Variants in PPP6R2 observed in about 807,000 individuals in gnomAD.
The protein encoded by PPP6R2 is serine/threonine-protein phosphatase 6 regulatory subunit 2.
Under a neutral mutation model 100.2 loss-of-function variants are expected in PPP6R2, and 62 were observed. The observed-to-expected ratio is 0.62, with a 90% confidence interval of 0.50 to 0.76. PPP6R2 has a LOEUF of 0.76. Ranked by LOEUF, PPP6R2 falls within the 30% of genes least tolerant of loss-of-function variation. The pLI is 0.00. For missense variants in PPP6R2, 1,142 were observed against 1,276.3 expected, an observed-to-expected ratio of 0.89 and a Z score of 1.60; for synonymous variants, 525 against 514.7, an observed-to-expected ratio of 1.02 and a Z score of -0.27.
intron 1 of PPP6R2, among the ~76,000 whole-genome samples, chr22:50,350,383 A>G (rs1173483090): frequency 1.3e-5 from 2 of 150,542 alleles, no homozygotes; most frequent in Admixed American, 1.3e-4. Flanking sequence ...GGCGCCCACC[A>G]CCATGCCTGG....
Position 50,440,975 on chromosome 22 carries a change from G to A in PPP6R2, c.2528G>A (p.Arg843Gln), listed in dbSNP as rs372426551. 36 of 1,611,454 alleles carry A rather than the reference G, an allele frequency of 2.2e-5. No individual in the cohort carries two copies. Among genetic ancestry groups the A allele is most frequent in the Non-Finnish European group, 2.8e-5 (33 of 1,178,862 alleles). The stretch of plus-strand genomic sequence containing the variant: ...GATGCGGTGAGCAGGGGTCCCGGCC[G>A]GGAGGCCCCCCCGCTGCCCACAGTG... ...AMDAVSRGPGREAPPLPTVAR... is the reference protein window; with the variant it reads ...AMDAVSRGPGQEAPPLPTVAR... The change falls in exon 22 of 24, where the codon CGG becomes CAG. Residue 843 changes from arginine to glutamine, a missense_variant. This residue lies in a region of PPP6R2 where 550 missense variants were observed against 517.4 expected (regional missense o/e 1.06). Coordinates refer to ENST00000612753, the MANE Select transcript of PPP6R2 (RefSeq NM_001242898.2).
At chr22:50,355,446 T>TC (rs533311693) in intron 1 of PPP6R2, among the ~76,000 whole-genome samples, 184 of 151,342 alleles carry the variant, frequency 1.2e-3, no homozygotes, top group African/African-American at 4.3e-3. Flanking sequence ...CACTGTGGTC[T>TC]CGATCTCCTA....
At chr22:50,432,621 C>T (rs542888898) in intron 12 of PPP6R2, among the ~76,000 whole-genome samples, 3 of 152,218 alleles carry the variant, frequency 2.0e-5, no homozygotes, top group Non-Finnish European at 4.4e-5. Flanking sequence ...CTTGTGGGTC[C>T]GCTGTCCGTT....
At position 50,381,978 on chromosome 22, in the gene PPP6R2, ACCTT is replaced by A. The variant is rs375003412; in HGVS notation, c.-17+9833_-17+9836del. Among the ~76,000 whole-genome samples the A allele has an allele frequency of 6.4e-4, 97 of 152,212 alleles. No homozygotes were observed. In the East Asian group the frequency reaches 0.014, roughly 22 times the overall value. On this transcript the variant is annotated intron_variant, in intron 2 of 23. Coordinates refer to ENST00000612753, the MANE Select transcript of PPP6R2 (RefSeq NM_001242898.2). Reference sequence around the variant, plus strand: ...CAAATTAGTGAAGAGAAAGTAGTGGACCTTCCTTTATTCTTGTAAGGAAAAGCTG... The same window carrying A: ...CAAATTAGTGAAGAGAAAGTAGTGGACCTTTATTCTTGTAAGGAAAAGCTG...
chr22:50,366,985 CTT>C (rs541397465), intron 1 of PPP6R2, among the ~76,000 whole-genome samples: 1 of 145,668 alleles, frequency 6.9e-6, no homozygotes, highest in Admixed American at 6.9e-5. Context: ...CCTATGTTTT[CTT>C]TTTTTTTTTT....
chr22:50,343,721 A>C (rs1340495058), intron 1 of PPP6R2, among the ~76,000 whole-genome samples, 171 bp downstream of exon 1: 584 of 38,596 alleles, frequency 0.015, 6 homozygotes, highest in Middle Eastern at 0.04. Context: ...TGCCCCCCCC[A>C]AGTCAGTCAG....
chr22:50,396,164 C>G (rs1443384058), intron 3 of PPP6R2, among the ~76,000 whole-genome samples: 1 of 145,576 alleles, frequency 6.9e-6, no homozygotes, highest in Non-Finnish European at 1.5e-5. Context: ...CCATTGCACT[C>G]CAGCCTGGGC....
In PPP6R2 at chr22:50,372,004, T is replaced by C. The variant is rs907449575; in HGVS notation, c.-147-16T>C. 1 of 152,170 alleles carries C rather than the reference T, an allele frequency of 6.6e-6. No individual in the cohort carries two copies. Among genetic ancestry groups the C allele is most frequent in the Non-Finnish European group, 1.5e-5 (1 of 68,030 alleles). 9.4% of individuals were successfully genotyped at this position (152,170 alleles called of 1,614,324 possible). A position where few individuals can be genotyped will look rare whatever the true frequency, so the allele number is the denominator to read the frequency against. On this transcript the variant is annotated splice_polypyrimidine_tract_variant and intron_variant, in intron 1 of 23. Coordinates refer to ENST00000612753, the MANE Select transcript of PPP6R2 (RefSeq NM_001242898.2). ...GAGGAAGAACTTAAAGCAAGATTTT[T>C]CCTCTTATTTTTCAGGTAAAGAGAT...
At chr22:50,354,288 G>C (rs1019163206) in intron 1 of PPP6R2, among the ~76,000 whole-genome samples, 2 of 152,086 alleles carry the variant, frequency 1.3e-5, no homozygotes, top group African/African-American at 2.4e-5. Context: ...CTGGGCGACG[G>C]AGCGAGACTT....
At chr22:50,335,354 C>T in the PPP6R2 span, among the ~76,000 whole-genome samples, 5 of 151,636 alleles carry the variant, frequency 3.3e-5, no homozygotes, top group Admixed American at 2.6e-4. Context: ...TGAGCCACCG[C>T]GCCCAGCCAT....
Position 50,438,580 on chromosome 22 carries a change from G to C in PPP6R2, c.1965-19G>C, listed in dbSNP as rs377209675. ...GTCCGTCCTGGGCCACCAGACATCT[G>C]ACTCTGAATCTCCCCCAGGTTTGGA... On this transcript the variant is annotated intron_variant, in intron 18 of 23. Transcript: ENST00000612753. 4 of 1,612,900 alleles carry C rather than the reference G, an allele frequency of 2.5e-6. No individual in the cohort carries two copies. The highest frequency in any genetic ancestry group is 1.3e-5 in the African/African-American group (1 of 74,880).
intron 3 of PPP6R2, among the ~76,000 whole-genome samples, chr22:50,405,658 G>A (rs1394809703): frequency 2.8e-5 from 2 of 71,616 alleles, no homozygotes; most frequent in Non-Finnish European, 2.8e-5. Flanking sequence ...GGAGAGAGGT[G>A]AGAGGCCTGG....
At chr22:50,341,992 CAAAAA>C (rs563190922), upstream of PPP6R2, among the ~76,000 whole-genome samples, 2 of 137,758 alleles carry the variant, frequency 1.5e-5, no homozygotes, top group Admixed American at 1.5e-4. Flanking sequence ...GACTCCGTCT[CAAAAA>C]AAAAAAAGAG....
At chr22:50,382,862 G>A (rs1378453973) in intron 2 of PPP6R2, among the ~76,000 whole-genome samples, 1 of 147,014 alleles carries the variant, frequency 6.8e-6, no homozygotes, top group East Asian at 2.0e-4. Flanking sequence ...TTTTGAGATA[G>A]GGTCTCACTC....
rs573085339 is a variant in PPP6R2 at position 50,443,771 on chromosome 22, G to A, written c.2580-95G>A. ...GGGCCAAAGATGGTGCTCCCAGGCC[G>A]CCTGGACCTTTTTGTCCAGCTGGTC... On this transcript the variant is annotated intron_variant, in intron 22 of 23. Transcript: ENST00000612753. The A allele has an allele frequency of 8.9e-5, 130 of 1,460,656 alleles. No individual in the cohort carries two copies. The African/African-American group carries it at 9.3e-4, about 10-fold the overall frequency. The allele number at this position is 1,460,656 out of a possible 1,614,324, so 90.5% of individuals were successfully genotyped here.
intron 1 of PPP6R2, among the ~76,000 whole-genome samples, chr22:50,348,288 C>T (rs2044221645): frequency 6.6e-6 from 1 of 152,034 alleles, no homozygotes; most frequent in Non-Finnish European, 1.5e-5. Context: ...GACATTGGCA[C>T]GTGGACAGCA....
intron 10 of PPP6R2, among the ~76,000 whole-genome samples, chr22:50,427,366 T>C (rs2062340839): frequency 6.6e-6 from 1 of 152,214 alleles, no homozygotes; most frequent in African/African-American, 2.4e-5. Flanking sequence ...CAGATTGTTT[T>C]GGCTATTCAA....
At chr22:50,382,331 G>T (rs949450768) in intron 2 of PPP6R2, among the ~76,000 whole-genome samples, 3 of 152,066 alleles carry the variant, frequency 2.0e-5, no homozygotes, top group Non-Finnish European at 4.4e-5. Context: ...GGGCACGGTG[G>T]CTCATGCCTG....
chr22:50,351,942 C>A (rs893674193), intron 1 of PPP6R2, among the ~76,000 whole-genome samples: 1 of 152,160 alleles, frequency 6.6e-6, no homozygotes, highest in Non-Finnish European at 1.5e-5. Flanking sequence ...TACAGGTGCA[C>A]ACCACCATGC....
Sources: gnomAD v4.1 joint callset for allele counts (sites outside exome capture counted in the v4.1 genomes callset) on GRCh38, gnomAD v4.1.1 for gene constraint, gnomAD v4.1.1 regional missense constraint, MANE v1.5 for transcripts, NCBI Gene and HGNC (gene_info 2026-07-23, HGNC 2026-07-21) for gene names.